The following SBF2 variants were observed in gnomAD, a reference collection of about 807,000 sequenced individuals.
The protein encoded by SBF2 is SET binding factor 2, also known as myotubularin-related protein 13.
A neutral mutation model predicts 225.2 loss-of-function variants in SBF2; 112 were observed. The observed-to-expected ratio is 0.50, with a 90% CI of 0.43 to 0.58. SBF2 has a LOEUF of 0.58. Ranked by LOEUF, SBF2 falls within the 20% of genes least tolerant of loss-of-function variation. SBF2 has a pLI of 0.00. For missense variants in SBF2, 1,996 were observed against 2,206.2 expected, an observed-to-expected ratio of 0.90 and a Z score of 1.91; for synonymous variants, 763 against 773.3, an observed-to-expected ratio of 0.99 and a Z score of 0.22.
At chr11:9,913,270 G>A (rs1862798951) in intron 16 of SBF2, among the ~76,000 whole-genome samples, 1 of 152,176 alleles carries the variant, frequency 6.6e-6, no homozygotes, top group African/African-American at 2.4e-5. Context: ...GCGAGACTCT[G>A]TCTCAAACAA....
chr11:10,225,163 A>G (rs748651000), intron 1 of SBF2, among the ~76,000 whole-genome samples: 10 of 152,198 alleles, frequency 6.6e-5, no homozygotes, highest in Non-Finnish European at 1.5e-4. Flanking sequence ...CCTCAGAATT[A>G]GGATGAAAAA....
chr11:9,839,361 C>T (rs1210672612), intron 26 of SBF2, 137 bp downstream of exon 26: 26 of 865,392 alleles, frequency 3.0e-5, no homozygotes. Flanking sequence ...GAGATGCTTG[C>T]TCGTATCCTG....
chr11:9,834,187 G>C (rs1855597422), intron 26 of SBF2, among the ~76,000 whole-genome samples: 1 of 150,638 alleles, frequency 6.6e-6, no homozygotes, highest in Non-Finnish European at 1.5e-5. Context: ...TCGCCTCCTG[G>C]GTTCAAGCAA....
At chr11:9,798,188 T>C (rs979750826) in intron 32 of SBF2, among the ~76,000 whole-genome samples, 2 of 152,360 alleles carry the variant, frequency 1.3e-5, no homozygotes, top group African/African-American at 2.4e-5. Context: ...CTGATACTTA[T>C]GCACAGCAAA....
chr11:9,928,962 G>A, intron 16 of SBF2: 1 of 472,650 alleles, frequency 2.1e-6, no homozygotes, highest in Non-Finnish European at 4.1e-6. Context: ...GGGTCATAAA[G>A]CAGCAGAGAT....
At chr11:9,962,546 C>T (rs1294247337) in intron 15 of SBF2, among the ~76,000 whole-genome samples, 1 of 152,162 alleles carries the variant, frequency 6.6e-6, no homozygotes, top group Non-Finnish European at 1.5e-5. Flanking sequence ...GCTGCTTAAT[C>T]ACTATTCAGC....
At chr11:9,978,561 A>G (rs757343373) in intron 13 of SBF2, among the ~76,000 whole-genome samples, 3 of 152,226 alleles carry the variant, frequency 2.0e-5, no homozygotes, top group African/African-American at 7.2e-5. Context: ...CTTAATAATA[A>G]TACTTCACGA....
intron 37 of SBF2, 108 bp downstream of exon 37, chr11:9,785,017 T>G: frequency 1.0e-6 from 1 of 991,922 alleles, no homozygotes; most frequent in Non-Finnish European, 1.6e-6. Flanking sequence ...CCATTTCAAG[T>G]TTATAAAAGG....
intron 2 of SBF2, among the ~76,000 whole-genome samples, chr11:10,057,958 C>T (rs888363558): frequency 6.6e-5 from 10 of 152,018 alleles, no homozygotes; most frequent in South Asian, 2.1e-4. Flanking sequence ...CAAATAAAGA[C>T]CCTACACAAA....
At chr11:9,867,912 T>C (rs1421168918) in intron 17 of SBF2, among the ~76,000 whole-genome samples, 2 of 152,122 alleles carry the variant, frequency 1.3e-5, no homozygotes, top group African/African-American at 4.8e-5. Flanking sequence ...GGTACAGAAA[T>C]ACATTTAGAA....
chr11:9,844,220 T>C (rs1422157454), intron 24 of SBF2, among the ~76,000 whole-genome samples: 1 of 152,160 alleles, frequency 6.6e-6, no homozygotes, highest in Non-Finnish European at 1.5e-5. Flanking sequence ...CAGCATACCA[T>C]ACCTGGATAT....
chr11:9,974,974 AAAAAAAAAAAAAAAG>A lies in SBF2; in HGVS notation c.1396-6444_1396-6430del, dbSNP rs1271601146. 2.6e-4 allele frequency among the ~76,000 whole-genome samples: 34 copies of A among 131,352 alleles called. 2 individuals carry two copies. Among genetic ancestry groups the A allele is most frequent in the East Asian group, 2.5e-3 (9 of 3,542 alleles). The allele number at this position is 131,352 out of a possible 152,430, so 86.2% of individuals were successfully genotyped here. Reference sequence around the variant, plus strand: ...AAACTTTGACTCAAAAAAAAAAAAAAAAAAAAAAAAAAAAGAAAAAAAGAAACCAACTGACAATAC... The same window carrying A: ...AAACTTTGACTCAAAAAAAAAAAAAAAAAAAAAGAAACCAACTGACAATAC... On this transcript the variant is annotated intron_variant, in intron 13 of 39. Transcript: ENST00000256190.
intron 2 of SBF2, among the ~76,000 whole-genome samples, chr11:10,162,112 A>G (rs1300173961): frequency 6.6e-6 from 1 of 152,172 alleles, no homozygotes; most frequent in African/African-American, 2.4e-5. Context: ...AAGGAATAGA[A>G]AGCTGGACAG....
At chr11:10,081,874 A>C (rs1565209078) in intron 2 of SBF2, among the ~76,000 whole-genome samples, 2 of 152,072 alleles carry the variant, frequency 1.3e-5, no homozygotes, top group Non-Finnish European at 2.9e-5. Context: ...AAAAGAAATA[A>C]CAAAGATTCA....
chr11:10,216,462 A>G (rs550445324), intron 1 of SBF2, among the ~76,000 whole-genome samples: 1 of 152,336 alleles, frequency 6.6e-6, no homozygotes, highest in South Asian at 2.1e-4. Context: ...TCTCTAATGT[A>G]ACTAGTTTTC....
intron 2 of SBF2, among the ~76,000 whole-genome samples, chr11:10,058,257 A>G (rs11825327): frequency 0.011 from 1,626 of 152,338 alleles, 31 homozygotes; most frequent in African/African-American, 0.037. Context: ...TCCAAGGAAA[A>G]TAAGAATCAC....
chr11:9,806,299 T>A lies in SBF2; in HGVS notation c.4443+1701A>T, dbSNP rs533975124. Among the ~76,000 whole-genome samples the A allele has an allele frequency of 8.7e-3, 1,327 of 152,328 alleles. 17 individuals carry two copies. The highest frequency in any genetic ancestry group is 0.03 in the African/African-American group (1,254 of 41,568). On this transcript the variant is annotated intron_variant, in intron 32 of 39. Transcript: ENST00000256190. ...GCTCAGAACAGTGCCTGGCACATAG[T>A]AAGCAGTCGACACAAATTAGTAATT...
chr11:10,296,661 CT>C (rs1205997128), upstream of SBF2, among the ~76,000 whole-genome samples: 4 of 152,022 alleles, frequency 2.6e-5, no homozygotes, highest in East Asian at 7.7e-4. Flanking sequence ...TTGTTTCCAC[CT>C]TTTGGCATTG....
intron 2 of SBF2, among the ~76,000 whole-genome samples, chr11:10,086,872 A>G (rs1951585762): frequency 6.6e-6 from 1 of 152,284 alleles, no homozygotes; most frequent in Non-Finnish European, 1.5e-5. Flanking sequence ...TCCAATGTGG[A>G]CTGTGGTAAA....
Sources: allele counts gnomAD v4.1 joint callset (sites outside exome capture counted in the v4.1 genomes callset), GRCh38; gene constraint gnomAD v4.1.1; transcripts MANE v1.5; gene names NCBI Gene and HGNC (gene_info 2026-07-23, HGNC 2026-07-21).